Variants in SLFN5 observed in about 807,000 individuals in gnomAD.
SLFN5 encodes the protein schlafen family member 5.
Under a neutral mutation model 48.5 loss-of-function variants are expected in SLFN5, and 34 were observed. That is an observed-to-expected ratio of 0.70 (90% CI 0.53 to 0.93). The LOEUF is 0.93. SLFN5 is among the 40% of genes least tolerant of loss of function. The pLI is 0.00. For synonymous variants in SLFN5, 387 were observed against 396.2 expected (o/e 0.98, Z 0.28); for missense variants, 1,006 against 1,071.3 (o/e 0.94, Z 0.85).
At chr17:35,256,945 T>G (rs2142696190) in intron 1 of SLFN5, among the ~76,000 whole-genome samples, 1 of 152,260 alleles carries the variant, frequency 6.6e-6, no homozygotes, top group African/African-American at 2.4e-5. Flanking sequence ...CCTCCTGTCG[T>G]ATCAGCGGTG....
rs1904768235 is a variant in SLFN5, at chr17:35,268,947, C to T, written c.*3059C>T. On this transcript the variant is annotated 3_prime_UTR_variant, in exon 5 of 5. Coordinates refer to ENST00000299977, the MANE Select transcript of SLFN5 (RefSeq NM_144975.4). Reference sequence around the variant, plus strand: ...ACAGTGATCAGGGATCAGTATCCTTCATTGACTGATTTCCAATATCTCGAG... The same window carrying T: ...ACAGTGATCAGGGATCAGTATCCTTTATTGACTGATTTCCAATATCTCGAG... 1 of 152,218 alleles carries T rather than the reference C, an allele frequency of 6.6e-6. No individual in the cohort carries two copies. Among genetic ancestry groups the T allele is most frequent in the South Asian group, 2.1e-4 (1 of 4,838 alleles). The allele number at this position is 152,218 out of a possible 1,614,324, so 9.4% of individuals were successfully genotyped here.
intron 1 of SLFN5, among the ~76,000 whole-genome samples, chr17:35,252,905 C>A (rs377354497): frequency 6.6e-6 from 1 of 151,966 alleles, no homozygotes; most frequent in South Asian, 2.1e-4. Context: ...TCTTCTGGCA[C>A]GTGTTTCTGT....
intron 1 of SLFN5, among the ~76,000 whole-genome samples, chr17:35,254,433 CTT>C (rs1046870440): frequency 2.6e-5 from 4 of 152,296 alleles, no homozygotes; most frequent in African/African-American, 9.6e-5. Flanking sequence ...TGTTGAATCT[CTT>C]GTTTCCTGCA....
chr17:35,243,767 C>T (rs1484314358), intron 1 of SLFN5, among the ~76,000 whole-genome samples: 2 of 152,176 alleles, frequency 1.3e-5, no homozygotes, highest in African/African-American at 4.8e-5. Flanking sequence ...TGCATGTGTC[C>T]CGGGAGCCCG....
At position 35,266,767 on chromosome 17, in the gene SLFN5, C is replaced by T. The variant is rs1249491939; in HGVS notation, c.*879C>T. The T allele has an allele frequency of 6.6e-6, 1 of 152,154 alleles. No individual in the cohort carries two copies. Among genetic ancestry groups the T allele is most frequent in the African/African-American group, 2.4e-5 (1 of 41,434 alleles). The allele number at this position is 152,154 out of a possible 1,614,324, so 9.4% of individuals were successfully genotyped here. A position where few individuals can be genotyped will look rare whatever the true frequency, so the allele number is the denominator to read the frequency against. ...CCATTTAATTTAATAATCAACAAAA[C>T]GACAAAGTCAGTTTAATATCTTTCT... On this transcript the variant is annotated 3_prime_UTR_variant, in exon 5 of 5. Transcript: ENST00000299977.
In SLFN5 at chr17:35,264,164, C is replaced by T. The variant is rs1444391495; in HGVS notation, c.1139-19C>T. ...TGTCTGAGGCTTTTCTAATTTCTTCCCATCCTTTCCCTGTCTAGTATTTTC... is the reference window on the plus strand; with the variant it reads ...TGTCTGAGGCTTTTCTAATTTCTTCTCATCCTTTCCCTGTCTAGTATTTTC... On this transcript the variant is annotated intron_variant, in intron 3 of 4. Transcript: ENST00000299977. 1 of 1,547,314 alleles carries T rather than the reference C, an allele frequency of 6.5e-7. No individual in the cohort carries two copies. Among genetic ancestry groups the T allele is most frequent in the Non-Finnish European group, 8.7e-7 (1 of 1,154,484 alleles).
Position 35,260,973 on chromosome 17 carries a change from CT to C in SLFN5, c.1018del (p.Ser340ProfsTer10), listed in dbSNP as rs912326331. On this transcript the variant is annotated frameshift_variant, in exon 3 of 5. Coordinates refer to ENST00000299977, the MANE Select transcript of SLFN5 (RefSeq NM_144975.4). LOFTEE classifies it high-confidence loss of function. ...ATCCTTGGTTCTTGTTTCCTAAGAC[CT>C]TTCCAGGTGTCCTGAGATGGTTCTC... ...TAWMMEADPD[L>X]SRCPEMVLQL... 1.9e-6 allele frequency: 3 copies of C among 1,613,356 alleles called. No individual in the cohort carries two copies. The highest frequency in any genetic ancestry group is 2.5e-6 in the Non-Finnish European group (3 of 1,179,684).
At chr17:35,260,811 A>C (rs1904499139) in intron 2 of SLFN5, among the ~76,000 whole-genome samples, 160 bp from the exon 3 acceptor site, 1 of 152,088 alleles carries the variant, frequency 6.6e-6, no homozygotes. Context: ...TCCTTCAAAA[A>C]CCTCAGTAGG....
chr17:35,261,545 C>T (rs767444996), intron 3 of SLFN5, among the ~76,000 whole-genome samples: 40 of 151,190 alleles, frequency 2.6e-4, no homozygotes, highest in Non-Finnish European at 2.7e-4. Flanking sequence ...AATTTTTTAA[C>T]TTTTGTAGAG....
chr17:35,255,969 T>C (rs969283911), intron 1 of SLFN5, among the ~76,000 whole-genome samples: 2 of 152,260 alleles, frequency 1.3e-5, no homozygotes, highest in Non-Finnish European at 2.9e-5. Flanking sequence ...TATTTAGTTT[T>C]ACCTGTTTTT....
At chr17:35,258,566 C>T (rs748652504) in intron 1 of SLFN5, 85 bp from the exon 2 acceptor site, 7 of 1,171,886 alleles carry the variant, frequency 6.0e-6, no homozygotes, top group Admixed American at 2.6e-5. Flanking sequence ...AGGGACCAAC[C>T]TCAGTAGGAT....
rs557942459 is a variant in SLFN5 at position 35,265,762 on chromosome 17, C to T, written c.2550C>T (p.Gly850=). Residue 850 remains glycine, a synonymous_variant, in exon 5 of 5, where the codon GGC becomes GGT. Coordinates refer to ENST00000299977, the MANE Select transcript of SLFN5 (RefSeq NM_144975.4). ...IVLDSVCRFS[G]LERNIVFGIN... ...TGGACAGTGTCTGTCGATTTTCAGG[C>T]CTGGAAAGAAATATCGTGTTTGGAA... The T allele has an allele frequency of 1.2e-6, 2 of 1,614,170 alleles. No individual in the cohort carries two copies. The highest frequency in any genetic ancestry group is 1.3e-5 in the African/African-American group (1 of 75,036).
At chr17:35,251,923 A>G (rs1404084122) in intron 1 of SLFN5, among the ~76,000 whole-genome samples, 5 of 152,064 alleles carry the variant, frequency 3.3e-5, no homozygotes, top group Non-Finnish European at 5.9e-5. Flanking sequence ...CATGTTGGCC[A>G]GGCTGGTCTC....
chr17:35,250,611 G>A (rs1365940093), intron 1 of SLFN5, among the ~76,000 whole-genome samples: 1 of 151,712 alleles, frequency 6.6e-6, no homozygotes, highest in East Asian at 1.9e-4. Flanking sequence ...AGTGAGCCGA[G>A]GTCGCGCCAC....
Position 35,266,173 on chromosome 17 carries a change from T to A in SLFN5, c.*285T>A. The A allele has an allele frequency of 4.0e-6, 1 of 250,404 alleles. No individual in the cohort carries two copies. The highest frequency in any genetic ancestry group is 7.1e-5 in the East Asian group (1 of 14,078). The allele number at this position is 250,404 out of a possible 1,614,324, so 15.5% of individuals were successfully genotyped here. ...GTGTGTGTGTGTGTGTGTGTGTGTG[T>A]GTGTGCGCGCGCGCACGTGCACATG... is the stretch of plus-strand genomic sequence containing the variant. On this transcript the variant is annotated 3_prime_UTR_variant, in exon 5 of 5. Transcript: ENST00000299977.
At position 35,264,167 on chromosome 17, in the gene SLFN5, T is replaced by C. The variant is rs777860723; in HGVS notation, c.1139-16T>C. The C allele has an allele frequency of 1.6e-5, 25 of 1,554,478 alleles. No homozygotes were observed. The highest frequency in any genetic ancestry group is 2.0e-5 in the Non-Finnish European group (23 of 1,157,384). On this transcript the variant is annotated splice_polypyrimidine_tract_variant and intron_variant, in intron 3 of 4. Coordinates refer to ENST00000299977, the MANE Select transcript of SLFN5 (RefSeq NM_144975.4). ...CTGAGGCTTTTCTAATTTCTTCCCA[T>C]CCTTTCCCTGTCTAGTATTTTCAGA...
intron 1 of SLFN5, among the ~76,000 whole-genome samples, chr17:35,243,548 G>T (rs1312131656): frequency 5.3e-5 from 8 of 152,180 alleles, no homozygotes; most frequent in African/African-American, 1.9e-4. Flanking sequence ...GGACAAATAG[G>T]GCCAATGTCC....
Position 35,264,745 on chromosome 17 carries a change from C to A in SLFN5, c.1701C>A (p.Asn567Lys), listed in dbSNP as rs1394143804. Residue 567 changes from asparagine (N) to lysine (K), a missense_variant, in exon 4 of 5, where the codon AAC (asparagine) becomes AAA (lysine). Coordinates refer to ENST00000299977, the MANE Select transcript of SLFN5 (RefSeq NM_144975.4). Reference protein sequence around the residue: ...TNKQYELLSKNLRKTRELFVH... With the variant: ...TNKQYELLSKKLRKTRELFVH... ...AACAGTATGAGTTGCTTTCAAAGAA[C>A]CTTCGCAAGACCAGAGAGTTGTTTG... The A allele has an allele frequency of 1.9e-6, 3 of 1,601,076 alleles. No homozygotes were observed. Among genetic ancestry groups the A allele is most frequent in the Non-Finnish European group, 2.6e-6 (3 of 1,175,126 alleles).
In SLFN5 at chr17:35,272,032, C is replaced by CAAAAA. The variant is rs35344637; in HGVS notation, c.*6153_*6157dup. The CAAAAA allele has an allele frequency of 7.1e-6, 1 of 141,452 alleles. No individual in the cohort carries two copies. 8.8% of individuals were successfully genotyped at this position (141,452 alleles called of 1,614,324 possible). The stretch of plus-strand genomic sequence containing the variant: ...GGGCAGCCAGAGTGAGACCCTGTCT[C>CAAAAA]AAAAAAAAAAAAATTATTGGAAACT... On this transcript the variant is annotated 3_prime_UTR_variant, in exon 5 of 5. Coordinates refer to ENST00000299977, the MANE Select transcript of SLFN5 (RefSeq NM_144975.4).
Sources: allele counts gnomAD v4.1 joint callset (sites outside exome capture counted in the v4.1 genomes callset), GRCh38; gene constraint gnomAD v4.1.1; transcripts MANE v1.5; gene names NCBI Gene and HGNC (gene_info 2026-07-23, HGNC 2026-07-21).